The following THEMIS variants were observed in gnomAD, a reference collection of about 807,000 sequenced individuals.
THEMIS encodes the protein thymocyte selection associated, also known as protein THEMIS.
THEMIS carries 37 observed loss-of-function variants against 52.6 expected under a neutral mutation model. That is an observed-to-expected ratio of 0.70 (90% CI 0.54 to 0.93). The LOEUF (loss-of-function observed/expected upper bound fraction) is 0.93, where lower values mean the gene tolerates loss of function less well. Ranked by LOEUF, THEMIS falls within the 40% of genes least tolerant of loss-of-function variation. THEMIS has a pLI of 0.00. For missense variants in THEMIS, 808 were observed against 763.1 expected (o/e 1.06, Z -0.69); for synonymous variants, 292 against 272.7 (o/e 1.07, Z -0.70).
downstream of THEMIS, among the ~76,000 whole-genome samples, chr6:127,703,099 G>A (rs1012680736): frequency 1.7e-4 from 21 of 126,116 alleles, no homozygotes; most frequent in Non-Finnish European, 3.2e-4. Flanking sequence ...CCAGGCTGGA[G>A]TGCAGTGGCG....
At chr6:127,836,998 A>G (rs969004396) in intron 2 of THEMIS, among the ~76,000 whole-genome samples, 2 of 152,208 alleles carry the variant, frequency 1.3e-5, no homozygotes, top group Non-Finnish European at 2.9e-5. Context: ...ACTTCCAGGA[A>G]AGAGCACAGC....
At chr6:127,704,372 T>G (rs1049463749), downstream of THEMIS, among the ~76,000 whole-genome samples, 4 of 152,164 alleles carry the variant, frequency 2.6e-5, no homozygotes, top group African/African-American at 9.7e-5. Context: ...TCTGCCATAT[T>G]ACTTGAAAGA....
rs533798882 is a variant in THEMIS at position 127,910,405 on chromosome 6, A to T, written c.-150+8023T>A. On this transcript the variant is annotated intron_variant, in intron 1 of 6. Transcript: ENST00000368250. ...TTAGGGAAGAAAATTCTTGCTATAA[A>T]CAGTTACAATCTCATTACGTAAGTA... Among the ~76,000 whole-genome samples, 42 of 152,286 alleles carry T rather than the reference A, an allele frequency of 2.8e-4. No individual in the cohort carries two copies. The South Asian group carries it at 8.3e-3, about 30-fold the overall frequency.
chr6:127,782,141 C>A (rs1241721445), intron 4 of THEMIS, among the ~76,000 whole-genome samples: 1 of 152,058 alleles, frequency 6.6e-6, no homozygotes, highest in Non-Finnish European at 1.5e-5. Context: ...TGGTGGACAC[C>A]CCTCCCTGCA....
intron 4 of THEMIS, among the ~76,000 whole-genome samples, chr6:127,737,037 G>A (rs1266349181): frequency 1.3e-5 from 2 of 152,088 alleles, no homozygotes; most frequent in African/African-American, 2.4e-5. Flanking sequence ...TGCCTTTAAA[G>A]TTAGACTGTA....
intron 1 of THEMIS, among the ~76,000 whole-genome samples, chr6:127,859,943 C>A (rs559275626): frequency 6.6e-6 from 1 of 152,208 alleles, no homozygotes; most frequent in South Asian, 2.1e-4. Flanking sequence ...CAGGATAGCA[C>A]AAATTATCAA....
chr6:127,714,848 T>C (rs1401361359), intron 5 of THEMIS, among the ~76,000 whole-genome samples: 9 of 151,934 alleles, frequency 5.9e-5, no homozygotes, highest in Admixed American at 5.9e-4. Context: ...AGAACTGTTT[T>C]TCCCTCTCAA....
chr6:127,752,476 T>C (rs1444776638), intron 4 of THEMIS, among the ~76,000 whole-genome samples: 1 of 150,066 alleles, frequency 6.7e-6, no homozygotes, highest in Non-Finnish European at 1.5e-5. Flanking sequence ...TTACAAGTGA[T>C]ACCACAAAAA....
At chr6:127,828,150 T>C (rs942396094) in intron 3 of THEMIS, among the ~76,000 whole-genome samples, 2 of 152,226 alleles carry the variant, frequency 1.3e-5, no homozygotes, top group Admixed American at 1.3e-4. Flanking sequence ...TTATTAAATG[T>C]TGTAACCACT....
intron 3 of THEMIS, among the ~76,000 whole-genome samples, chr6:127,829,247 C>T (rs919196635): frequency 1.3e-5 from 2 of 152,066 alleles, no homozygotes; most frequent in Non-Finnish European, 2.9e-5. Context: ...GTTATAGCAC[C>T]TCATATGTGA....
intron 1 of THEMIS, among the ~76,000 whole-genome samples, chr6:127,881,997 CA>C (rs5879865): frequency 0.58 from 68,094 of 117,978 alleles, 17,058 homozygotes; most frequent in East Asian, 0.79. Flanking sequence ...TCTTATACAG[CA>C]AAAAAAAAAA....
chr6:127,735,158 C>CTA (rs1774959306), intron 4 of THEMIS, among the ~76,000 whole-genome samples: 1 of 151,664 alleles, frequency 6.6e-6, no homozygotes, highest in Non-Finnish European at 1.5e-5. Flanking sequence ...AAAACAGAAC[C>CTA]TATAGTTTAG....
chr6:127,744,929 T>C (rs1468497475), intron 4 of THEMIS, among the ~76,000 whole-genome samples: 1 of 151,920 alleles, frequency 6.6e-6, no homozygotes, highest in Non-Finnish European at 1.5e-5. Context: ...TGAGATATAA[T>C]TGTAATATCA....
chr6:127,895,634 T>C lies in THEMIS; in HGVS notation c.91+5208A>G, dbSNP rs55926927. 5.1e-3 allele frequency among the ~76,000 whole-genome samples: 775 copies of C among 151,604 alleles called. 6 individuals carry two copies. Among genetic ancestry groups the C allele is most frequent in the African/African-American group, 0.018 (737 of 41,542 alleles). On this transcript the variant is annotated intron_variant, in intron 1 of 5. Transcript: ENST00000368248. Reference sequence around the variant, plus strand: ...CACTTTTTTAAACTGTGATAAATTATGTAGAAGATATTTTATTCTCTTGTT... The same window carrying C: ...CACTTTTTTAAACTGTGATAAATTACGTAGAAGATATTTTATTCTCTTGTT...
intron 3 of THEMIS, among the ~76,000 whole-genome samples, chr6:127,817,382 G>A (rs763264191): frequency 6.6e-6 from 1 of 152,152 alleles, no homozygotes; most frequent in Non-Finnish European, 1.5e-5. Flanking sequence ...ATTCATAGCA[G>A]CTATTGTATA....
intron 2 of THEMIS, among the ~76,000 whole-genome samples, chr6:127,841,588 C>T (rs1193645459): frequency 3.3e-5 from 5 of 151,928 alleles, no homozygotes; most frequent in Non-Finnish European, 5.9e-5. Flanking sequence ...TATTACAATG[C>T]ACATAGATGA....
chr6:127,842,554 T>G (rs1190185784), intron 2 of THEMIS, among the ~76,000 whole-genome samples: 1 of 152,010 alleles, frequency 6.6e-6, no homozygotes, highest in Non-Finnish European at 1.5e-5. Flanking sequence ...TTAAGGGATA[T>G]AGTCATGTTG....
intron 5 of THEMIS, among the ~76,000 whole-genome samples, chr6:127,713,706 G>A (rs1313404413): frequency 6.6e-6 from 1 of 151,862 alleles, no homozygotes; most frequent in Non-Finnish European, 1.5e-5. Context: ...GAAAGATTAT[G>A]CCATTTAGAT....
At chr6:127,697,414 C>T in the THEMIS span, among the ~76,000 whole-genome samples, 4 of 152,156 alleles carry the variant, frequency 2.6e-5, no homozygotes, top group African/African-American at 9.7e-5. Flanking sequence ...TTCTTCTGCT[C>T]TTCCTCACGT....
Sources: allele counts gnomAD v4.1 joint callset (sites outside exome capture counted in the v4.1 genomes callset), GRCh38; gene constraint gnomAD v4.1.1; transcripts MANE v1.5; gene names NCBI Gene and HGNC (gene_info 2026-07-23, HGNC 2026-07-21).